TENM1: variants seen among roughly 807,000 people sequenced by gnomAD.
TENM1 encodes the protein teneurin transmembrane protein 1.
A neutral mutation model predicts 174.8 loss-of-function variants in TENM1; 35 were observed. The ratio of observed to expected loss-of-function variants is 0.20; its 90% CI spans 0.15 to 0.27. The LOEUF (loss-of-function observed/expected upper bound fraction) is 0.27, where lower values mean the gene tolerates loss of function less well. Ranked by LOEUF, TENM1 falls within the 10% of genes least tolerant of loss-of-function variation. The pLI, the probability that TENM1 is intolerant of heterozygous loss-of-function variation, is 1.00. For missense variants in TENM1, 1,633 were observed against 2,130.1 expected (o/e 0.77, Z 4.59); for synonymous variants, 781 against 798.7 (o/e 0.98, Z 0.37).
chrX:124,904,979 G>T (rs2057723153), intron 1 of TENM1, among the ~76,000 whole-genome samples: 1 of 111,355 alleles, frequency 9.0e-6, no homozygotes, highest in Non-Finnish European at 1.9e-5. Flanking sequence ...CTGACAGCCT[G>T]TTTTCAGGAA....
exon 27 of TENM1, chrX:124,405,109 G>T (rs761687483): frequency 1.7e-6 from 2 of 1,211,604 alleles, no homozygotes; most frequent in Non-Finnish European, 2.2e-6. Context: ...GGTTTGCATT[G>T]TGCTCTCCGG....
chrX:124,476,569 A>T (rs2046729840), intron 22 of TENM1, among the ~76,000 whole-genome samples: 1 of 111,420 alleles, frequency 9.0e-6, no homozygotes, highest in Non-Finnish European at 1.9e-5. Flanking sequence ...GAGAATAGAG[A>T]TATAACCCTT....
chrX:124,818,803 G>A (rs1468436060), intron 3 of TENM1, among the ~76,000 whole-genome samples: 3 of 111,486 alleles, frequency 2.7e-5, no homozygotes, highest in African/African-American at 9.8e-5. Context: ...GTGAGATTTT[G>A]GAGAGAGTCA....
intron 4 of TENM1, among the ~76,000 whole-genome samples, chrX:124,730,195 T>G (rs2148538228): frequency 9.0e-6 from 1 of 111,155 alleles, no homozygotes; most frequent in African/African-American, 3.3e-5. Flanking sequence ...AAAAGCATGC[T>G]AAGAGAGGAA....
Position 124,827,231 on chromosome X carries a change from A to G in TENM1, c.535+67065T>C, listed in dbSNP as rs762182438. ...ACACCTGGCTAATTTTTGTATTTTT[A>G]GTAGAGACGGGGTTTCACCATGTTG... On this transcript the variant is annotated intron_variant, in intron 3 of 31. Coordinates refer to ENST00000422452, the Ensembl canonical transcript of TENM1. Among the ~76,000 whole-genome samples, 4 of 111,241 alleles carry G rather than the reference A, an allele frequency of 3.6e-5. No individual in the cohort carries two copies. The South Asian group carries it at 1.5e-3, about 42-fold the overall frequency.
chrX:125,141,052 C>CTA, the TENM1 span, among the ~76,000 whole-genome samples: 1 of 112,081 alleles, frequency 8.9e-6, no homozygotes, highest in African/African-American at 3.2e-5. Flanking sequence ...TAGGCCCTAC[C>CTA]TATAATCTCA....
chrX:124,933,506 A>G (rs1209569229), intron 1 of TENM1, among the ~76,000 whole-genome samples: 2 of 112,480 alleles, frequency 1.8e-5, no homozygotes, highest in Non-Finnish European at 3.8e-5. Context: ...CTTTAAAAGG[A>G]GGGACTAGAA....
intron 19 of TENM1, among the ~76,000 whole-genome samples, chrX:124,500,038 G>A (rs2047292585): frequency 9.0e-6 from 1 of 111,531 alleles, no homozygotes; most frequent in African/African-American, 3.3e-5. Flanking sequence ...TAGAACTAAA[G>A]ATGGCTATTC....
chrX:124,869,617 T>C (rs2057071768), intron 3 of TENM1, among the ~76,000 whole-genome samples: 1 of 111,350 alleles, frequency 9.0e-6, no homozygotes, highest in African/African-American at 3.3e-5. Flanking sequence ...TGTGGTAATA[T>C]ACACCATGGA....
chrX:124,506,612 T>G (rs2047453526), intron 18 of TENM1, among the ~76,000 whole-genome samples: 1 of 111,867 alleles, frequency 8.9e-6, no homozygotes, highest in Non-Finnish European at 1.9e-5. Flanking sequence ...AATTTCCAGC[T>G]GACTTTAATG....
chrX:124,454,149 T>C (rs1336954453), intron 22 of TENM1, among the ~76,000 whole-genome samples: 3 of 111,805 alleles, frequency 2.7e-5, no homozygotes, highest in African/African-American at 9.7e-5. Flanking sequence ...ATTTTTATTA[T>C]AATAGCAGTT....
intron 20 of TENM1, among the ~76,000 whole-genome samples, chrX:124,492,765 A>G: frequency 9.1e-6 from 1 of 110,421 alleles, no homozygotes; most frequent in African/African-American, 3.3e-5. Flanking sequence ...GATATTAACC[A>G]TGAGTCTATC....
the TENM1 span, among the ~76,000 whole-genome samples, chrX:125,139,417 TACC>T: frequency 9.0e-6 from 1 of 111,293 alleles, no homozygotes; most frequent in Non-Finnish European, 1.9e-5. Flanking sequence ...CTCCCGAAGC[TACC>T]ACCACATCTG....
the TENM1 span, among the ~76,000 whole-genome samples, chrX:125,025,624 T>C: frequency 1.8e-5 from 2 of 111,041 alleles, no homozygotes; most frequent in Non-Finnish European, 3.8e-5. Context: ...AGGTGAATAA[T>C]ACAAAGTCCT....
intron 3 of TENM1, among the ~76,000 whole-genome samples, chrX:124,841,639 A>AC (rs1443249952): frequency 1.9e-5 from 2 of 107,642 alleles, no homozygotes; most frequent in African/African-American, 6.8e-5. Flanking sequence ...AAAAAAAAAA[A>AC]GGAATGGACT....
chrX:124,803,552 AT>A lies in TENM1; in HGVS notation c.536-66356del, dbSNP rs761540807. ...TCATCCTGCTCCATCATGAATTCTA[AT>A]GGCACCCTCTCATTTTATACAACAG... On this transcript the variant is annotated intron_variant, in intron 3 of 31. Coordinates refer to ENST00000422452, the Ensembl canonical transcript of TENM1. 3.6e-5 allele frequency among the ~76,000 whole-genome samples: 4 copies of A among 111,911 alleles called. No homozygotes were observed. In the East Asian group the frequency reaches 1.1e-3, roughly 31 times the overall value.
chrX:124,586,803 C>T (rs1396496120), intron 11 of TENM1, among the ~76,000 whole-genome samples: 3 of 106,616 alleles, frequency 2.8e-5, no homozygotes, highest in African/African-American at 1.0e-4. Context: ...TGTCTCAGCC[C>T]AAAATCTCCT....
intron 11 of TENM1, among the ~76,000 whole-genome samples, chrX:124,634,741 C>G (rs2050838829): frequency 8.9e-6 from 1 of 111,962 alleles, no homozygotes; most frequent in Admixed American, 9.5e-5. Context: ...ATTACTGGCA[C>G]TTTCAATAAA....
In TENM1 at chrX:124,578,672, A is replaced by G. The variant is rs1287240984; in HGVS notation, c.2078-13112T>C. Among the ~76,000 whole-genome samples the G allele has an allele frequency of 3.6e-5, 4 of 112,098 alleles. No individual in the cohort carries two copies. The East Asian group carries it at 1.1e-3, about 31-fold the overall frequency. The stretch of plus-strand genomic sequence containing the variant: ...CAATACACTTATCTGGCCCTTCACC[A>G]TCTTTTGTCTTGAGTCTCACAAAAG... On this transcript the variant is annotated intron_variant, in intron 11 of 31. Transcript: ENST00000422452.
Sources: allele counts gnomAD v4.1 joint callset (sites outside exome capture counted in the v4.1 genomes callset), GRCh38; gene constraint gnomAD v4.1.1; transcripts MANE v1.5; gene names NCBI Gene and HGNC (gene_info 2026-07-23, HGNC 2026-07-21).